The following SORCS3 variants were observed in gnomAD, a reference collection of about 807,000 sequenced individuals.
The protein encoded by SORCS3 is sortilin related VPS10 domain containing receptor 3.
A neutral mutation model predicts 146.3 loss-of-function variants in SORCS3; 57 were observed. The ratio of observed to expected loss-of-function variants is 0.39; its 90% CI spans 0.31 to 0.49. The LOEUF is 0.49. Among genes scored for constraint, SORCS3 ranks in the 20% least tolerant of loss-of-function variants. SORCS3 has a pLI of 0.92. For synonymous variants in SORCS3, 653 were observed against 618.5 expected (o/e 1.06, Z -0.83); for missense variants, 1,341 against 1,575.5 (o/e 0.85, Z 2.52).
intron 1 of SORCS3, among the ~76,000 whole-genome samples, chr10:104,671,861 AC>A (rs2015859252): frequency 6.6e-6 from 1 of 152,104 alleles, no homozygotes; most frequent in African/African-American, 2.4e-5. Flanking sequence ...AGATGCTGCC[AC>A]ATTTGGTTTA....
At chr10:104,719,521 A>C (rs2016518846) in intron 1 of SORCS3, among the ~76,000 whole-genome samples, 1 of 152,224 alleles carries the variant, frequency 6.6e-6, no homozygotes, top group Non-Finnish European at 1.5e-5. Context: ...GTGGATGCCC[A>C]GGGAAAGACA....
chr10:105,119,219 G>T (rs768030240), intron 7 of SORCS3, among the ~76,000 whole-genome samples: 1 of 152,166 alleles, frequency 6.6e-6, no homozygotes, highest in African/African-American at 2.4e-5. Flanking sequence ...CTCAAGCCTT[G>T]GTGGCTAACG....
At chr10:104,694,020 G>T (rs944896920) in intron 1 of SORCS3, among the ~76,000 whole-genome samples, 2 of 151,856 alleles carry the variant, frequency 1.3e-5, no homozygotes, top group Non-Finnish European at 2.9e-5. Flanking sequence ...AGGTTTCTAC[G>T]CAGGACACTT....
At chr10:105,060,229 G>A (rs1310591482) in intron 5 of SORCS3, among the ~76,000 whole-genome samples, 2 of 152,016 alleles carry the variant, frequency 1.3e-5, no homozygotes, top group East Asian at 1.9e-4. Flanking sequence ...GGGTAATGGC[G>A]GACATTTCAG....
intron 2 of SORCS3, among the ~76,000 whole-genome samples, chr10:104,912,799 G>A (rs1482234485): frequency 6.6e-6 from 1 of 152,178 alleles, no homozygotes; most frequent in African/African-American, 2.4e-5. Context: ...GGACAGTGTA[G>A]CCAAACCAAT....
chr10:104,710,121 G>A (rs1346083114), intron 1 of SORCS3, among the ~76,000 whole-genome samples: 2 of 152,020 alleles, frequency 1.3e-5, no homozygotes, highest in African/African-American at 2.4e-5. Flanking sequence ...CATTCTAATC[G>A]AATGATGGAA....
intron 1 of SORCS3, among the ~76,000 whole-genome samples, chr10:104,724,647 C>T (rs2016599868): frequency 6.6e-6 from 1 of 152,106 alleles, no homozygotes; most frequent in South Asian, 2.1e-4. Context: ...TCACATAGTC[C>T]CATATTTCTT....
intron 2 of SORCS3, among the ~76,000 whole-genome samples, chr10:104,850,075 C>T (rs1379936626): frequency 3.3e-5 from 5 of 152,158 alleles, no homozygotes; most frequent in Non-Finnish European, 7.3e-5. Flanking sequence ...TTATTGGTTT[C>T]CTTTTCATAT....
At chr10:105,090,884 C>T (rs1203978955) in intron 6 of SORCS3, among the ~76,000 whole-genome samples, 3 of 152,126 alleles carry the variant, frequency 2.0e-5, no homozygotes, top group Non-Finnish European at 4.4e-5. Flanking sequence ...ATTGTGGTAT[C>T]GTTCAGAGTT....
chr10:104,938,828 G>C (rs1347809202), intron 3 of SORCS3, among the ~76,000 whole-genome samples: 4 of 152,176 alleles, frequency 2.6e-5, no homozygotes. Context: ...GCTGCCTTGC[G>C]GGGGAAGCCG....
At chr10:105,246,624 G>C (rs992609313) in intron 21 of SORCS3, among the ~76,000 whole-genome samples, 3 of 152,142 alleles carry the variant, frequency 2.0e-5, no homozygotes, top group African/African-American at 7.2e-5. Flanking sequence ...TCTTCGAGGG[G>C]CACATGGAAG....
chr10:104,782,988 A>T (rs182792767), intron 1 of SORCS3, among the ~76,000 whole-genome samples: 1 of 152,370 alleles, frequency 6.6e-6, no homozygotes, highest in East Asian at 1.9e-4. Context: ...TTTAAAAAAC[A>T]AGACTAGATC....
intron 1 of SORCS3, among the ~76,000 whole-genome samples, chr10:104,770,012 C>G (rs1252503013): frequency 6.6e-6 from 1 of 152,072 alleles, no homozygotes; most frequent in African/African-American, 2.4e-5. Context: ...TAGGGGTATT[C>G]ATGTAGTCAT....
chr10:104,828,611 A>G (rs1201745942), intron 1 of SORCS3, among the ~76,000 whole-genome samples: 2 of 152,086 alleles, frequency 1.3e-5, no homozygotes, highest in Non-Finnish European at 2.9e-5. Flanking sequence ...TGTTGGAAAC[A>G]TGGTTCCAAC....
intron 1 of SORCS3, among the ~76,000 whole-genome samples, chr10:104,750,006 G>T (rs1313218947): frequency 6.6e-6 from 1 of 152,136 alleles, no homozygotes; most frequent in African/African-American, 2.4e-5. Context: ...CTAATTTTTT[G>T]ATCAGCATCA....
chr10:104,903,855 T>G (rs953567545), intron 2 of SORCS3, among the ~76,000 whole-genome samples: 1 of 152,230 alleles, frequency 6.6e-6, no homozygotes, highest in South Asian at 2.1e-4. Flanking sequence ...TATCTTCTAT[T>G]AAACCAGATA....
intron 5 of SORCS3, among the ~76,000 whole-genome samples, chr10:105,068,751 G>T (rs769574604): frequency 6.6e-6 from 1 of 152,100 alleles, no homozygotes; most frequent in East Asian, 1.9e-4. Context: ...AAAATTTGAG[G>T]CAATTCAAGG....
At chr10:105,134,309 CAATT>C (rs1434331930) in intron 7 of SORCS3, among the ~76,000 whole-genome samples, 1 of 152,112 alleles carries the variant, frequency 6.6e-6, no homozygotes, top group Non-Finnish European at 1.5e-5. Flanking sequence ...TAGATGTACT[CAATT>C]AATGACTGTC....
rs117020165 is a variant in SORCS3 at position 104,931,173 on chromosome 10, G to T, written c.795+15241G>T. Among the ~76,000 whole-genome samples the T allele has an allele frequency of 5.1e-4, 77 of 152,246 alleles. No homozygotes were observed. In the South Asian group the frequency reaches 0.011, roughly 21 times the overall value. ...AATTGATGAAGAAACTGAGTCTCAG[G>T]GGGGGAGTCCCTTATTCAAAGTTAC... On this transcript the variant is annotated intron_variant, in intron 3 of 26. Coordinates refer to ENST00000369701, the MANE Select transcript of SORCS3 (RefSeq NM_014978.3).
Sources: gnomAD v4.1 joint callset for allele counts (sites outside exome capture counted in the v4.1 genomes callset) on GRCh38, gnomAD v4.1.1 for gene constraint, MANE v1.5 for transcripts, NCBI Gene and HGNC (gene_info 2026-07-23, HGNC 2026-07-21) for gene names.